STK11: variants seen among roughly 807,000 people sequenced by gnomAD.
The protein encoded by STK11 is serine/threonine-protein kinase STK11.
STK11 carries 8 observed loss-of-function variants against 47.3 expected under a neutral mutation model. The ratio of observed to expected loss-of-function variants is 0.17; its 90% CI spans 0.10 to 0.31. STK11 has a LOEUF of 0.31. Among genes scored for constraint, STK11 ranks in the 10% least tolerant of loss-of-function variants. The probability of loss-of-function intolerance (pLI) is 1.00; values close to 1 mark genes in which losing one functional copy is unlikely to be tolerated. For missense variants in STK11, 475 were observed against 605.0 expected, an observed-to-expected ratio of 0.79 and a Z score of 2.25; for synonymous variants, 330 against 255.8, an observed-to-expected ratio of 1.29 and a Z score of -2.77.
At chr19:1,214,187 G>C (rs948729370) in intron 1 of STK11, among the ~76,000 whole-genome samples, 1 of 152,156 alleles carries the variant, frequency 6.6e-6, no homozygotes, top group Non-Finnish European at 1.5e-5. Flanking sequence ...TTTCTGGCTG[G>C]AGACGTCAGA....
At chr19:1,225,057 C>T (rs1208966691) in intron 8 of STK11, 1 of 985,758 alleles carries the variant, frequency 1.0e-6, no homozygotes, top group Non-Finnish European at 1.2e-6. Context: ...GATGCGGGTC[C>T]TGCTGCCAAC....
intron 5 of STK11, 122 bp from the exon 6 acceptor site, chr19:1,221,091 A>C (rs1250018660): frequency 6.5e-6 from 9 of 1,395,310 alleles, no homozygotes; most frequent in Non-Finnish European, 7.8e-6. Context: ...GGTGTCCTTG[A>C]GTCCACAGGG....
chr19:1,221,145 A>G (rs2080780722), intron 5 of STK11, 68 bp from the exon 6 acceptor site: 1 of 1,594,614 alleles, frequency 6.3e-7, no homozygotes, highest in South Asian at 1.1e-5. Flanking sequence ...CCTGGGGTAG[A>G]GCTGGGGCTC....
rs773615399 is a variant in STK11 at position 1,219,313 on chromosome 19, T to C, written c.375-11T>C. 8 of 1,575,340 alleles carry C rather than the reference T, an allele frequency of 5.1e-6. No individual in the cohort carries two copies. In the South Asian group the frequency reaches 9.3e-5, roughly 18 times the overall value. On this transcript the variant is annotated splice_polypyrimidine_tract_variant and intron_variant, in intron 2 of 9. Transcript: ENST00000326873. The stretch of plus-strand genomic sequence containing the variant: ...GGCCGCCCCCTGAGCTGTGTGTCCT[T>C]AGCGCCCCACGTATATGGTGATGGA...
chr19:1,211,344 G>A (rs1163844486), intron 1 of STK11, among the ~76,000 whole-genome samples: 1 of 152,124 alleles, frequency 6.6e-6, no homozygotes, highest in Non-Finnish European at 1.5e-5. Context: ...TAGGCAGTGG[G>A]TTCCTAGGGT....
intron 1 of STK11, among the ~76,000 whole-genome samples, chr19:1,215,699 TG>T (rs1239955278): frequency 2.0e-5 from 3 of 151,506 alleles, no homozygotes; most frequent in Non-Finnish European, 4.4e-5. Flanking sequence ...AGCCCTGAGC[TG>T]GGGGTGGGGA....
chr19:1,218,098 C>T (rs976857651), intron 1 of STK11, among the ~76,000 whole-genome samples: 3 of 151,874 alleles, frequency 2.0e-5, no homozygotes, highest in Admixed American at 6.6e-5. Context: ...GAGCTGAGAT[C>T]GGGCCACCGT....
In STK11 at chr19:1,225,980, C is replaced by T. The variant is rs990722964; in HGVS notation, c.1109-474C>T. On this transcript the variant is annotated intron_variant, in intron 8 of 9. Transcript: ENST00000326873. The stretch of plus-strand genomic sequence containing the variant: ...CCCTGGCAGGCTGAGCTCTGCTCCC[C>T]GCGTGGTTCTGTGCTGGCATTTCGC... 14 of 996,000 alleles carry T rather than the reference C, an allele frequency of 1.4e-5. No individual in the cohort carries two copies. In the East Asian group the frequency reaches 4.5e-4, roughly 32 times the overall value. The allele number at this position is 996,000 out of a possible 1,614,324, so 61.7% of individuals were successfully genotyped here.
intron 1 of STK11, among the ~76,000 whole-genome samples, chr19:1,216,560 CA>C (rs752586796): frequency 1.3e-5 from 2 of 149,072 alleles, no homozygotes; most frequent in African/African-American, 5.0e-5. Context: ...GGCCTGGCGA[CA>C]GAGTGAGACT....
intron 8 of STK11, chr19:1,224,825 T>C (rs1275785645): frequency 2.0e-6 from 2 of 985,422 alleles, no homozygotes; most frequent in Non-Finnish European, 2.4e-6. Flanking sequence ...GCCTCAGTAC[T>C]CAGTACTGGG....
intron 1 of STK11, among the ~76,000 whole-genome samples, chr19:1,208,470 G>A (rs1438337326): frequency 6.6e-6 from 1 of 151,564 alleles, no homozygotes. Flanking sequence ...ACCACGCCCG[G>A]CCAATTTTTT....
At chr19:1,217,959 A>G (rs2080755268) in intron 1 of STK11, among the ~76,000 whole-genome samples, 1 of 152,158 alleles carries the variant, frequency 6.6e-6, no homozygotes, top group Non-Finnish European at 1.5e-5. Flanking sequence ...CCTGGCCAAC[A>G]TGGTGAAACC....
Position 1,221,294 on chromosome 19 carries a change from C to T in STK11, c.816C>T (p.Tyr272=), listed in dbSNP as rs9282859. 4.7e-3 allele frequency: 7,527 copies of T among 1,611,214 alleles called. 280 individuals carry two copies. The African/African-American group carries it at 0.085, about 18-fold the overall frequency. ...KLFENIGKGS[Y]AIPGDCGPPL... Reference sequence around the variant, plus strand: ...TTGAGAACATCGGGAAGGGGAGCTACGCCATCCCGGGCGACTGTGGCCCCC... The same window carrying T: ...TTGAGAACATCGGGAAGGGGAGCTATGCCATCCCGGGCGACTGTGGCCCCC... The change falls in exon 6 of 10, where the codon TAC becomes TAT. Residue 272 remains tyrosine (Y), a synonymous_variant. Transcript: ENST00000326873.
At chr19:1,220,880 C>G (rs752921802) in intron 5 of STK11, among the ~76,000 whole-genome samples, 163 bp downstream of exon 5, 1 of 152,238 alleles carries the variant, frequency 6.6e-6, no homozygotes, top group Non-Finnish European at 1.5e-5. Flanking sequence ...GTAACTCATA[C>G]GGCAGATGGT....
chr19:1,220,945 C>T (rs1002217427), intron 5 of STK11, among the ~76,000 whole-genome samples: 14 of 152,220 alleles, frequency 9.2e-5, no homozygotes, highest in Non-Finnish European at 1.5e-4. Flanking sequence ...CAGAGTGGCA[C>T]GGCCGACCCT....
chr19:1,212,251 C>G (rs2080716272), intron 1 of STK11, among the ~76,000 whole-genome samples: 1 of 145,570 alleles, frequency 6.9e-6, no homozygotes, highest in Non-Finnish European at 1.5e-5. Context: ...ATTGCTCAAA[C>G]TGGACTCAAT....
chr19:1,207,811 G>A (rs969326548), intron 1 of STK11, among the ~76,000 whole-genome samples: 19 of 152,214 alleles, frequency 1.2e-4, no homozygotes, highest in African/African-American at 4.6e-4. Flanking sequence ...CCTGCCCGAG[G>A]GGGACTGTGC....
chr19:1,218,829 TCGTGGCTGGG>T (rs2080761502), intron 2 of STK11, among the ~76,000 whole-genome samples: 1 of 152,126 alleles, frequency 6.6e-6, no homozygotes, highest in Admixed American at 6.5e-5. Flanking sequence ...GCCATTTTGG[TCGTGGCTGGG>T]CGTGTCCTCG....
rs1555740288 is a variant in STK11, at chr19:1,226,629, GGCCTGCAAGCAGCAGTGAGGCTGGCC to G, written c.1292_*15del. On this transcript the variant is annotated stop_lost and 3_prime_UTR_variant, in exon 9 of 10. Transcript: ENST00000326873. The stretch of plus-strand genomic sequence containing the variant: ...CCAGCAGCAAGATCCGCCGGCTGTC[GGCCTGCAAGCAGCAGTGAGGCTGGCC>G]GCCTGCAGGTGGGGCGCGGCGGGGC... 6.5e-7 allele frequency: 1 copy of G among 1,542,458 alleles called. No individual in the cohort carries two copies. Among genetic ancestry groups the G allele is most frequent in the Non-Finnish European group, 8.7e-7 (1 of 1,144,650 alleles).
Sources: gnomAD v4.1 joint callset for allele counts (sites outside exome capture counted in the v4.1 genomes callset) on GRCh38, gnomAD v4.1.1 for gene constraint, MANE v1.5 for transcripts, NCBI Gene and HGNC (gene_info 2026-07-23, HGNC 2026-07-21) for gene names.